OTUD7B: variants seen among roughly 807,000 people sequenced by gnomAD.
The protein encoded by OTUD7B is OTU domain-containing protein 7B.
Under a neutral mutation model 82.2 loss-of-function variants are expected in OTUD7B, and 34 were observed. The ratio of observed to expected loss-of-function variants is 0.41; its 90% CI spans 0.31 to 0.55. The LOEUF (loss-of-function observed/expected upper bound fraction) is 0.55. OTUD7B is among the 20% of genes least tolerant of loss of function. The pLI, the probability that OTUD7B is intolerant of heterozygous loss-of-function variation, is 0.20. For missense variants in OTUD7B, 944 were observed against 1,062.1 expected (o/e 0.89, Z 1.55); for synonymous variants, 398 against 402.7 (o/e 0.99, Z 0.14).
Position 149,941,230 on chromosome 1 carries a change from A to C in OTUD7B, c.*2627T>G, listed in dbSNP as rs1553770347. ...TTTAAAAACAAAAGTGTTAACTAGA[A>C]TCTAACAACAGATCAAATCCAAACA... On this transcript the variant is annotated 3_prime_UTR_variant, in exon 12 of 12. Coordinates refer to ENST00000581312, the MANE Select transcript of OTUD7B (RefSeq NM_020205.4). 6.6e-6 allele frequency: 1 copy of C among 152,220 alleles called. No individual in the cohort carries two copies. The highest frequency in any genetic ancestry group is 2.4e-5 in the African/African-American group (1 of 41,454). The allele number at this position is 152,220 out of a possible 1,614,324, so 9.4% of individuals were successfully genotyped here. A position where few individuals can be genotyped will look rare whatever the true frequency, so the allele number is the denominator to read the frequency against.
intron 1 of OTUD7B, among the ~76,000 whole-genome samples, chr1:149,984,895 A>T (rs781914040): frequency 1.9e-4 from 29 of 152,090 alleles, no homozygotes; most frequent in Non-Finnish European, 3.4e-4. Context: ...ATCCCTGCAA[A>T]ACCTTCCACA....
At chr1:149,989,189 C>T (rs1419251822) in intron 1 of OTUD7B, among the ~76,000 whole-genome samples, 2 of 152,038 alleles carry the variant, frequency 1.3e-5, no homozygotes, top group Non-Finnish European at 2.9e-5. Flanking sequence ...AGCCTCAAAA[C>T]AGGCCGGGCG....
the OTUD7B span, among the ~76,000 whole-genome samples, chr1:150,038,930 A>T: frequency 6.6e-6 from 1 of 152,128 alleles, no homozygotes; most frequent in Non-Finnish European, 1.5e-5. Context: ...TTAGTGTCCA[A>T]ATAAATAACT....
In OTUD7B at chr1:149,943,760, T is replaced by C; in HGVS notation, c.*97A>G. The C allele has an allele frequency of 7.9e-7, 1 of 1,263,600 alleles. No individual in the cohort carries two copies. The allele number at this position is 1,263,600 out of a possible 1,614,324, so 78.3% of individuals were successfully genotyped here. A position where few individuals can be genotyped will look rare whatever the true frequency, so the allele number is the denominator to read the frequency against. The stretch of plus-strand genomic sequence containing the variant: ...CCAGCCAGGCTCCCACAAACATTAC[T>C]GCATTTTCCCCCTCAACATGGGGAC... On this transcript the variant is annotated 3_prime_UTR_variant, in exon 12 of 12. Coordinates refer to ENST00000581312, the MANE Select transcript of OTUD7B (RefSeq NM_020205.4).
the OTUD7B span, among the ~76,000 whole-genome samples, chr1:150,064,660 T>C: frequency 4.6e-5 from 7 of 152,216 alleles, no homozygotes; most frequent in Admixed American, 3.9e-4. Flanking sequence ...TGAACCACTG[T>C]GCCTGGCCAA....
intron 1 of OTUD7B, among the ~76,000 whole-genome samples, chr1:149,978,182 G>A (rs1281740759): frequency 1.3e-5 from 2 of 152,148 alleles, no homozygotes; most frequent in Non-Finnish European, 2.9e-5. Flanking sequence ...GATGCTAGCA[G>A]AGGAGTAAAC....
the OTUD7B span, among the ~76,000 whole-genome samples, chr1:150,032,973 C>T: frequency 6.6e-6 from 1 of 152,148 alleles, no homozygotes; most frequent in African/African-American, 2.4e-5. Flanking sequence ...TTTTAACCCC[C>T]AACATAATTT....
At chr1:150,039,155 T>C in the OTUD7B span, among the ~76,000 whole-genome samples, 1 of 152,184 alleles carries the variant, frequency 6.6e-6, no homozygotes, top group Admixed American at 6.5e-5. Flanking sequence ...CTATATGCTA[T>C]TCATTGCTCT....
At chr1:149,982,864 T>TTTA (rs1650865734) in intron 1 of OTUD7B, among the ~76,000 whole-genome samples, 4 of 138,308 alleles carry the variant, frequency 2.9e-5, no homozygotes, top group African/African-American at 8.0e-5. Context: ...TTTTTTTTTT[T>TTTA]AAGACGGAGT....
chr1:149,955,081 G>A (rs1340917832), intron 7 of OTUD7B, among the ~76,000 whole-genome samples: 1 of 152,040 alleles, frequency 6.6e-6, no homozygotes, highest in Non-Finnish European at 1.5e-5. Flanking sequence ...CTTGCCTTCT[G>A]CTAGCTTTTG....
At chr1:149,992,474 T>TTTTC (rs1353437071) in intron 1 of OTUD7B, among the ~76,000 whole-genome samples, 1 of 1,580 alleles carries the variant, frequency 6.3e-4, no homozygotes, top group Non-Finnish European at 0.02. Flanking sequence ...TGTGTTTTTT[T>TTTTC]TTTTTTTTTT....
intron 11 of OTUD7B, among the ~76,000 whole-genome samples, chr1:149,946,224 A>G (rs1347687579): frequency 7.0e-6 from 1 of 141,862 alleles, no homozygotes; most frequent in East Asian, 2.2e-4. Flanking sequence ...TTAGCTGGAC[A>G]TGGTGGCGGG....
upstream of OTUD7B, among the ~76,000 whole-genome samples, chr1:150,010,936 G>A (rs187795290): frequency 2.1e-4 from 32 of 152,366 alleles, no homozygotes; most frequent in African/African-American, 7.2e-4. Context: ...CTGGTCTGGA[G>A]CATTCTTGAA....
chr1:150,050,102 G>A, the OTUD7B span, among the ~76,000 whole-genome samples: 32 of 152,072 alleles, frequency 2.1e-4, 1 homozygote, highest in East Asian at 6.0e-3. Context: ...GTAGAGGCTG[G>A]AGGGTCACTT....
intron 7 of OTUD7B, among the ~76,000 whole-genome samples, chr1:149,952,923 G>C (rs1383408455): frequency 6.6e-6 from 1 of 152,182 alleles, no homozygotes; most frequent in Admixed American, 6.5e-5. Context: ...CTTTGTTTAA[G>C]TTCTTTGTAG....
intron 1 of OTUD7B, among the ~76,000 whole-genome samples, chr1:149,996,044 A>G (rs1025054328): frequency 6.6e-6 from 1 of 152,230 alleles, no homozygotes; most frequent in African/African-American, 2.4e-5. Context: ...GAGAGAACTG[A>G]GGGAAAACAA....
chr1:150,029,248 A>G, the OTUD7B span, among the ~76,000 whole-genome samples: 17 of 152,272 alleles, frequency 1.1e-4, no homozygotes, highest in South Asian at 3.5e-3. Flanking sequence ...TAAGTTTAAT[A>G]GGAAAGTTTC....
intron 7 of OTUD7B, among the ~76,000 whole-genome samples, chr1:149,952,899 AT>A (rs1648372463): frequency 6.6e-6 from 1 of 150,730 alleles, no homozygotes; most frequent in African/African-American, 2.4e-5. Flanking sequence ...GATGGGGTTG[AT>A]TTTTTCTTAT....
Position 149,992,477 on chromosome 1 carries a change from T to TG in OTUD7B, c.-66-14902_-66-14901insC, listed in dbSNP as rs1559860657. Among the ~76,000 whole-genome samples the TG allele has an allele frequency of 0.017, 28 of 1,608 alleles. 1 individual carries two copies. In the Non-Finnish European group the frequency reaches 0.28, roughly 16 times the overall value. 1.1% of individuals were successfully genotyped at this position (1,608 alleles called of 152,430 possible). ...GTTTTGTGTGCATGTGTTTTTTTTT[T>TG]TTTTTTTTTTTTTTTTAGTACAGAG... On this transcript the variant is annotated intron_variant, in intron 1 of 11. Coordinates refer to ENST00000581312, the MANE Select transcript of OTUD7B (RefSeq NM_020205.4).
Sources: gnomAD v4.1 joint callset for allele counts (sites outside exome capture counted in the v4.1 genomes callset) on GRCh38, gnomAD v4.1.1 for gene constraint, MANE v1.5 for transcripts, NCBI Gene and HGNC (gene_info 2026-07-23, HGNC 2026-07-21) for gene names.